Variants in SMG6 observed in about 807,000 individuals in gnomAD.
The protein encoded by SMG6 is SMG6 nonsense mediated mRNA decay factor.
SMG6 carries 66 observed loss-of-function variants against 142.2 expected under a neutral mutation model. The ratio of observed to expected loss-of-function variants is 0.46; its 90% CI spans 0.38 to 0.57. The LOEUF (loss-of-function observed/expected upper bound fraction) is 0.57. Among genes scored for constraint, SMG6 ranks in the 20% least tolerant of loss-of-function variants. SMG6 has a pLI of 0.00. For missense variants in SMG6, 1,793 were observed against 1,832.0 expected, an observed-to-expected ratio of 0.98 and a Z score of 0.39; for synonymous variants, 779 against 702.4, an observed-to-expected ratio of 1.11 and a Z score of -1.72.
At chr17:2,246,515 T>G (rs1178056787) in intron 8 of SMG6, among the ~76,000 whole-genome samples, 1 of 152,258 alleles carries the variant, frequency 6.6e-6, no homozygotes, top group African/African-American at 2.4e-5. Context: ...AAACTCTGCA[T>G]AGAATGTTCA....
chr17:2,160,981 A>C (rs2071158598), intron 13 of SMG6, among the ~76,000 whole-genome samples: 1 of 152,122 alleles, frequency 6.6e-6, no homozygotes, highest in South Asian at 2.1e-4. Context: ...TTTTTCTATC[A>C]TACATTCTCC....
At chr17:2,287,330 T>C (rs1293995255) in intron 6 of SMG6, among the ~76,000 whole-genome samples, 2 of 152,148 alleles carry the variant, frequency 1.3e-5, no homozygotes, top group Non-Finnish European at 2.9e-5. Context: ...GAAACATAAA[T>C]TAAAACCATA....
chr17:2,237,357 T>C (rs746305032), intron 9 of SMG6: 3 of 273,828 alleles, frequency 1.1e-5, no homozygotes, highest in African/African-American at 2.3e-5. Flanking sequence ...CATGAGCCAC[T>C]GCACTCGGCC....
chr17:2,061,094 C>T lies in SMG6; in HGVS notation c.*398G>A, dbSNP rs956592259. The T allele has an allele frequency of 4.0e-5, 7 of 175,898 alleles. No individual in the cohort carries two copies. The highest frequency in any genetic ancestry group is 3.1e-4 in the East Asian group (2 of 6,408). The allele number at this position is 175,898 out of a possible 1,614,324, so 10.9% of individuals were successfully genotyped here. A position where few individuals can be genotyped will look rare whatever the true frequency, so the allele number is the denominator to read the frequency against. ...GGAACTGTGATTTCACTGCATCTGA[C>T]GGAAACTCAGAACCCCTGCCCTGTC... is the stretch of plus-strand genomic sequence containing the variant. On this transcript the variant is annotated 3_prime_UTR_variant, in exon 19 of 19. Transcript: ENST00000263073.
chr17:2,303,604 C>A, intron 1 of SMG6, 29 bp downstream of exon 1: 2 of 1,414,568 alleles, frequency 1.4e-6, no homozygotes, highest in South Asian at 1.4e-5. Context: ...CGGGCAGGCC[C>A]GGCCCAGGAG....
chr17:2,270,201 G>A (rs1427363045), intron 8 of SMG6, among the ~76,000 whole-genome samples: 3 of 151,992 alleles, frequency 2.0e-5, no homozygotes, highest in Non-Finnish European at 2.9e-5. Flanking sequence ...CCGAAGTCCA[G>A]TAGCAATAGG....
intron 13 of SMG6, among the ~76,000 whole-genome samples, chr17:2,123,744 T>C (rs2069777573): frequency 6.6e-6 from 1 of 152,146 alleles, no homozygotes; most frequent in South Asian, 2.1e-4. Flanking sequence ...AGAGCCAGGG[T>C]GTGGATCTTG....
At chr17:2,294,970 GT>G (rs1297892590) in intron 4 of SMG6, among the ~76,000 whole-genome samples, 4 of 151,868 alleles carry the variant, frequency 2.6e-5, no homozygotes, top group Admixed American at 2.6e-4. Context: ...CTGCCTTCTG[GT>G]TTTTAAGCGA....
intron 13 of SMG6, among the ~76,000 whole-genome samples, chr17:2,166,779 T>C (rs1382156299): frequency 1.3e-5 from 2 of 152,096 alleles, no homozygotes; most frequent in African/African-American, 2.4e-5. Context: ...TTCTTCAAAT[T>C]ATAGACTCTG....
intron 14 of SMG6, chr17:2,082,223 A>G (rs2068445060): frequency 4.6e-6 from 2 of 438,978 alleles, no homozygotes; most frequent in East Asian, 3.6e-5. Flanking sequence ...TCACACATAT[A>G]TACCTGCGTG....
intron 8 of SMG6, among the ~76,000 whole-genome samples, chr17:2,264,077 C>T (rs1403892985): frequency 1.2e-5 from 1 of 86,406 alleles, no homozygotes; most frequent in Non-Finnish European, 3.4e-5. Context: ...GTGAGCTGCT[C>T]CCAGAGTAAC....
At chr17:2,285,534 A>G (rs1375084807) in intron 6 of SMG6, among the ~76,000 whole-genome samples, 2 of 152,206 alleles carry the variant, frequency 1.3e-5, no homozygotes, top group African/African-American at 4.8e-5. Flanking sequence ...TCTGAAAAAA[A>G]AGAAATTAAG....
intron 13 of SMG6, among the ~76,000 whole-genome samples, chr17:2,097,994 T>A (rs544950415): frequency 1.3e-5 from 2 of 152,118 alleles, no homozygotes; most frequent in African/African-American, 2.4e-5. Context: ...TTTTTCCTTT[T>A]CTTGGGGGGC....
chr17:2,205,684 CA>C (rs1280400981), intron 10 of SMG6, among the ~76,000 whole-genome samples: 4 of 152,162 alleles, frequency 2.6e-5, no homozygotes, highest in Non-Finnish European at 5.9e-5. Flanking sequence ...TCAGGAAAAA[CA>C]ACTCCTTTTT....
chr17:2,088,227 T>C (rs1454386559), intron 13 of SMG6: 1 of 985,260 alleles, frequency 1.0e-6, no homozygotes, highest in East Asian at 1.1e-4. Context: ...CATGGTATGC[T>C]GCGTGGCTAA....
At chr17:2,226,150 C>T (rs1027212881) in intron 10 of SMG6, among the ~76,000 whole-genome samples, 1 of 151,930 alleles carries the variant, frequency 6.6e-6, no homozygotes, top group Non-Finnish European at 1.5e-5. Context: ...TGGCGCATGC[C>T]TGTAATCCCA....
rs188104299 is a variant in SMG6, at chr17:2,141,041, A to G, written c.3357+31617T>C. 1.2e-3 allele frequency among the ~76,000 whole-genome samples: 186 copies of G among 152,334 alleles called. 2 individuals are homozygous for G. Among genetic ancestry groups the G allele is most frequent in the African/African-American group, 4.2e-3 (176 of 41,580 alleles). On this transcript the variant is annotated intron_variant, in intron 13 of 18. Coordinates refer to ENST00000263073, the MANE Select transcript of SMG6 (RefSeq NM_017575.5). ...AAATCTGGCCAGGAGAATGATCTAG[A>G]ATTGCAGTGTTTAATACAGTAGCCA... is the stretch of plus-strand genomic sequence containing the variant.
At chr17:2,173,847 T>A (rs2071579986) in intron 12 of SMG6, among the ~76,000 whole-genome samples, 1 of 80,266 alleles carries the variant, frequency 1.2e-5, no homozygotes, top group Non-Finnish European at 2.6e-5. Flanking sequence ...CCATAAAGCT[T>A]TTTTTTTTTT....
rs763209728 is a variant in SMG6 at position 2,183,211 on chromosome 17, G to GC, written c.3155+3451dup. Reference sequence around the variant, plus strand: ...ACTGCCGTCCACCCTGGGTAACAGAGCGAGACCCTGGGAAAGGAAGGTAGG... The same window carrying GC: ...ACTGCCGTCCACCCTGGGTAACAGAGCCGAGACCCTGGGAAAGGAAGGTAGG... On this transcript the variant is annotated intron_variant, in intron 12 of 18. Coordinates refer to ENST00000263073, the MANE Select transcript of SMG6 (RefSeq NM_017575.5). 9.3e-4 allele frequency among the ~76,000 whole-genome samples: 141 copies of GC among 151,834 alleles called. 1 individual carries two copies. The highest frequency in any genetic ancestry group is 2.2e-3 in the Admixed American group (33 of 15,246).
Sources: allele counts gnomAD v4.1 joint callset (sites outside exome capture counted in the v4.1 genomes callset), GRCh38; gene constraint gnomAD v4.1.1; transcripts MANE v1.5; gene names NCBI Gene and HGNC (gene_info 2026-07-23, HGNC 2026-07-21).